GABRB3: variants seen among roughly 807,000 people sequenced by gnomAD.
GABRB3 encodes gamma-aminobutyric acid type A receptor subunit beta3.
GABRB3 carries 14 observed loss-of-function variants against 52.1 expected under a neutral mutation model. That is an observed-to-expected ratio of 0.27 (90% CI 0.18 to 0.42). The LOEUF is 0.42. GABRB3 is among the 10% of genes least tolerant of loss of function. The probability of loss-of-function intolerance (pLI) is 1.00; values close to 1 mark genes in which losing one functional copy is unlikely to be tolerated. For missense variants in GABRB3, 307 were observed against 609.1 expected (o/e 0.50, Z 5.22); for synonymous variants, 260 against 232.3 (o/e 1.12, Z -1.08).
chr15:26,610,359 C>G (rs892917743), intron 4 of GABRB3, among the ~76,000 whole-genome samples: 1 of 152,148 alleles, frequency 6.6e-6, no homozygotes, highest in Admixed American at 6.5e-5. Flanking sequence ...GACTGGCTTT[C>G]TGTGTGGCTT....
At chr15:26,681,881 A>G (rs1441200461) in intron 3 of GABRB3, among the ~76,000 whole-genome samples, 1 of 152,092 alleles carries the variant, frequency 6.6e-6, no homozygotes, top group African/African-American at 2.4e-5. Flanking sequence ...TGGAGGTGGA[A>G]GGATCACTTG....
At chr15:26,653,397 G>C (rs1310971494) in intron 3 of GABRB3, among the ~76,000 whole-genome samples, 1 of 152,160 alleles carries the variant, frequency 6.6e-6, no homozygotes, top group East Asian at 1.9e-4. Context: ...AGTAAACTGA[G>C]TCAACCAGTT....
At chr15:26,574,871 T>C (rs1890538761) in intron 6 of GABRB3, among the ~76,000 whole-genome samples, 1 of 152,140 alleles carries the variant, frequency 6.6e-6, no homozygotes, top group East Asian at 1.9e-4. Flanking sequence ...TTTAAATGGG[T>C]AAATTGTATG....
In GABRB3 at chr15:26,547,760, A is replaced by T; in HGVS notation, c.*33T>A. On this transcript the variant is annotated 3_prime_UTR_variant, in exon 9 of 9. Transcript: ENST00000311550. Reference sequence around the variant, plus strand: ...GCAGAGTAATATTTCACTCAGTGTTAAATGAAGTCTTTGAAAAATCAAGTA... The same window carrying T: ...GCAGAGTAATATTTCACTCAGTGTTTAATGAAGTCTTTGAAAAATCAAGTA... 1 of 1,560,130 alleles carries T rather than the reference A, an allele frequency of 6.4e-7. No individual in the cohort carries two copies. Among genetic ancestry groups the T allele is most frequent in the Non-Finnish European group, 8.8e-7 (1 of 1,131,346 alleles).
At chr15:26,749,954 TTG>T (rs1890457892) in intron 3 of GABRB3, 1 of 152,190 alleles carries the variant, frequency 6.6e-6, no homozygotes, top group African/African-American at 2.4e-5. Context: ...TGTTTATTTG[TTG>T]TGTTATGGCC....
At chr15:26,634,352 C>A (rs1305132736) in intron 3 of GABRB3, among the ~76,000 whole-genome samples, 1 of 152,114 alleles carries the variant, frequency 6.6e-6, no homozygotes, top group African/African-American at 2.4e-5. Flanking sequence ...CTCACGCAAC[C>A]CAACCCAAAC....
chr15:26,575,989 TA>T (rs1890577726), intron 6 of GABRB3, among the ~76,000 whole-genome samples: 1 of 152,242 alleles, frequency 6.6e-6, no homozygotes, highest in South Asian at 2.1e-4. Flanking sequence ...AAGTGACAAG[TA>T]AATTTCAGAT....
At chr15:26,685,474 A>G (rs948708533) in intron 3 of GABRB3, among the ~76,000 whole-genome samples, 2 of 152,194 alleles carry the variant, frequency 1.3e-5, no homozygotes, top group Non-Finnish European at 2.9e-5. Context: ...TCTGTTTTCT[A>G]TATTTCTGAA....
At chr15:26,756,556 C>T (rs994792405) in intron 3 of GABRB3, among the ~76,000 whole-genome samples, 12 of 151,792 alleles carry the variant, frequency 7.9e-5, no homozygotes, top group Admixed American at 6.6e-5. Context: ...CCAGTCTGGG[C>T]GACAGAGCAA....
intron 4 of GABRB3, among the ~76,000 whole-genome samples, chr15:26,601,829 G>C (rs1477291744): frequency 6.6e-6 from 1 of 152,152 alleles, no homozygotes; most frequent in South Asian, 2.1e-4. Context: ...CAAAAAGGAA[G>C]ACAGGAAAGA....
intron 3 of GABRB3, among the ~76,000 whole-genome samples, chr15:26,740,933 C>T (rs771746399): frequency 6.6e-6 from 1 of 151,980 alleles, no homozygotes; most frequent in East Asian, 1.9e-4. Context: ...GGGGAGATGG[C>T]GGGAGCAGCA....
At chr15:26,635,932 A>T (rs769491422) in intron 3 of GABRB3, among the ~76,000 whole-genome samples, 1 of 152,220 alleles carries the variant, frequency 6.6e-6, no homozygotes, top group Non-Finnish European at 1.5e-5. Context: ...ATAAATCACA[A>T]TATCAACAGT....
At chr15:26,561,210 C>G (rs1218615667) in intron 7 of GABRB3, 34 bp from the exon 8 acceptor site, 1 of 1,611,718 alleles carries the variant, frequency 6.2e-7, no homozygotes, top group Non-Finnish European at 8.5e-7. Context: ...GAGGCTGAAA[C>G]TTTGCCACAT....
chr15:26,760,445 G>T (rs1363360281), intron 3 of GABRB3, among the ~76,000 whole-genome samples: 1 of 151,990 alleles, frequency 6.6e-6, no homozygotes, highest in Non-Finnish European at 1.5e-5. Context: ...TACTGCAGAG[G>T]GTGAGCTTGA....
chr15:26,583,305 G>T, intron 5 of GABRB3, 27 bp downstream of exon 5: 1 of 1,569,352 alleles, frequency 6.4e-7, no homozygotes, highest in Non-Finnish European at 8.8e-7. Flanking sequence ...AATAGGAGGA[G>T]AAAGAAACAC....
chr15:26,760,405 G>T (rs1890782442), intron 3 of GABRB3, among the ~76,000 whole-genome samples: 1 of 152,112 alleles, frequency 6.6e-6, no homozygotes, highest in South Asian at 2.1e-4. Flanking sequence ...CCTTCCTTGG[G>T]ATCTAAACGC....
chr15:26,666,704 C>T (rs1223327437), intron 3 of GABRB3: 2 of 152,246 alleles, frequency 1.3e-5, no homozygotes, highest in African/African-American at 2.4e-5. Context: ...AGGATATCTA[C>T]GGGAATGGAG....
intron 6 of GABRB3, among the ~76,000 whole-genome samples, chr15:26,579,287 AG>A (rs1356436121): frequency 6.6e-6 from 1 of 152,178 alleles, no homozygotes; most frequent in African/African-American, 2.4e-5. Flanking sequence ...CTGTGAGCAG[AG>A]CTGGAAGGTG....
rs77802541 is a variant in GABRB3, at chr15:26,633,913, G to T, written c.241-12379C>A. ...TTTGAGCGTTAGCCGTCTCTTGGCC[G>T]CCGGCTAAATAAACGGACTCTTAAT... is the stretch of plus-strand genomic sequence containing the variant. On this transcript the variant is annotated intron_variant, in intron 3 of 8. Transcript: ENST00000311550. Among the ~76,000 whole-genome samples, 465 of 152,312 alleles carry T rather than the reference G, an allele frequency of 3.1e-3. 19 individuals carry two copies. The East Asian group carries it at 0.078, about 25-fold the overall frequency.
Sources: allele counts gnomAD v4.1 joint callset (sites outside exome capture counted in the v4.1 genomes callset), GRCh38; gene constraint gnomAD v4.1.1; transcripts MANE v1.5; gene names NCBI Gene and HGNC (gene_info 2026-07-23, HGNC 2026-07-21).